TBC1D9B: variants seen among roughly 807,000 people sequenced by gnomAD.
The protein encoded by TBC1D9B is TBC1 domain family, member 9B (with GRAM domain).
TBC1D9B carries 87 observed loss-of-function variants against 121.1 expected under a neutral mutation model. The ratio of observed to expected loss-of-function variants is 0.72; its 90% CI spans 0.60 to 0.86. The LOEUF (loss-of-function observed/expected upper bound fraction) is 0.86, where lower values mean the gene tolerates loss of function less well. Ranked by LOEUF, TBC1D9B falls within the 40% of genes least tolerant of loss-of-function variation. The pLI is 0.00. For missense variants in TBC1D9B, 1,540 were observed against 1,628.6 expected (o/e 0.95, Z 0.94); for synonymous variants, 668 against 670.1 (o/e 1.00, Z 0.05).
At position 179,885,948 on chromosome 5, in the gene TBC1D9B, G is replaced by A. The variant is rs1156895661; in HGVS notation, c.1254+2155C>T. Among the ~76,000 whole-genome samples, 7 of 152,312 alleles carry A rather than the reference G, an allele frequency of 4.6e-5. No individual in the cohort carries two copies. The East Asian group carries it at 9.6e-4, about 21-fold the overall frequency. On this transcript the variant is annotated intron_variant, in intron 7 of 20. Coordinates refer to ENST00000355235, the MANE Select transcript of TBC1D9B (RefSeq NM_015043.4). The surrounding 1 kb of genome is among the most constrained non-coding windows in gnomAD (Gnocchi z 4.5). ...TGGTCTCACCTCCTACACCTGGTCA[G>A]TCTCCTAAGCCCTGGTCCCAGAAGC...
chr5:179,899,878 GC>G (rs1321126210), intron 2 of TBC1D9B, among the ~76,000 whole-genome samples: 1 of 152,012 alleles, frequency 6.6e-6, no homozygotes, highest in Non-Finnish European at 1.5e-5. Flanking sequence ...CCTTGTGTCT[GC>G]CCCACCTAGG....
rs769575405 is a variant in TBC1D9B at position 179,874,889 on chromosome 5, C to G, written c.2186+13G>C. ...TGTGAGCCCCCAGCAGGAGAAGGAA[C>G]CCGGCATGTCACCTGCCCAGCATGG... On this transcript the variant is annotated intron_variant, in intron 12 of 20. Coordinates refer to ENST00000355235, the MANE Select transcript of TBC1D9B (RefSeq NM_015043.4). This position sits in a 1 kb window ranked among gnomAD's most constrained non-coding sequence, Gnocchi z 4.3. The G allele has an allele frequency of 3.1e-5, 50 of 1,610,716 alleles. No individual in the cohort carries two copies. The highest frequency in any genetic ancestry group is 4.1e-5 in the Non-Finnish European group (48 of 1,178,844).
rs978518325 is a variant in TBC1D9B, at chr5:179,885,616, T to C, written c.1254+2487A>G. On this transcript the variant is annotated intron_variant, in intron 7 of 20. Transcript: ENST00000355235. The surrounding 1 kb of genome is among the most constrained non-coding windows in gnomAD (Gnocchi z 4.5). ...CCCCAAAAAAAAAAAGATGGAGGTA[T>C]TTTACGTTTTTCTTTTCATACGAAG... Among the ~76,000 whole-genome samples the C allele has an allele frequency of 1.3e-5, 2 of 151,658 alleles. No individual in the cohort carries two copies. The highest frequency in any genetic ancestry group is 2.9e-5 in the Non-Finnish European group (2 of 67,944).
rs183655611 is a variant in TBC1D9B, at chr5:179,863,075, C to T, written c.*373G>A. The T allele has an allele frequency of 9.2e-5, 24 of 261,808 alleles. No homozygotes were observed. The highest frequency in any genetic ancestry group is 7.2e-4 in the Admixed American group (15 of 20,916). 16.2% of individuals were successfully genotyped at this position (261,808 alleles called of 1,614,324 possible). On this transcript the variant is annotated 3_prime_UTR_variant, in exon 21 of 21. Transcript: ENST00000355235. This position sits in a 1 kb window ranked among gnomAD's most constrained non-coding sequence, Gnocchi z 4.5. ...CCACATAGCTGCAGGAAAGCATCCA[C>T]GGATGGAGGGACTCAGCTGGCCTGG... is the stretch of plus-strand genomic sequence containing the variant.
chr5:179,905,774 C>T (rs190586067), intron 1 of TBC1D9B, among the ~76,000 whole-genome samples: 334 of 152,294 alleles, frequency 2.2e-3, no homozygotes, highest in Middle Eastern at 6.8e-3. Flanking sequence ...TTCCTTTTAA[C>T]GAAGTGCTGC....
intron 6 of TBC1D9B, among the ~76,000 whole-genome samples, chr5:179,888,576 G>T (rs2113632791): frequency 6.6e-6 from 1 of 152,322 alleles, no homozygotes; most frequent in South Asian, 2.1e-4. Context: ...GTAGTGTTCA[G>T]CCCAGCTGCT....
At chr5:179,896,310 C>A (rs1247099904) in intron 3 of TBC1D9B, among the ~76,000 whole-genome samples, 14 of 152,156 alleles carry the variant, frequency 9.2e-5, no homozygotes. Context: ...CAGCCAAGAA[C>A]CTAAATGGGG....
chr5:179,899,955 C>T (rs768412785), intron 2 of TBC1D9B, among the ~76,000 whole-genome samples: 20 of 152,098 alleles, frequency 1.3e-4, no homozygotes, highest in Non-Finnish European at 2.5e-4. Flanking sequence ...AAAATCTGGG[C>T]GCCGTGTCTC....
rs1007475253 is a variant in TBC1D9B, at chr5:179,885,572, G to A, written c.1254+2531C>T. Reference sequence around the variant, plus strand: ...CCACTGCACTCCAGCCTAGGTGACAGAGCAAGACTCTGTCCCCCCCCCAAA... The same window carrying A: ...CCACTGCACTCCAGCCTAGGTGACAAAGCAAGACTCTGTCCCCCCCCCAAA... On this transcript the variant is annotated intron_variant, in intron 7 of 20. Coordinates refer to ENST00000355235, the MANE Select transcript of TBC1D9B (RefSeq NM_015043.4). This position sits in a 1 kb window ranked among gnomAD's most constrained non-coding sequence, Gnocchi z 4.5. 3.4e-5 allele frequency among the ~76,000 whole-genome samples: 5 copies of A among 148,642 alleles called. No individual in the cohort carries two copies. The highest frequency in any genetic ancestry group is 4.4e-5 in the Non-Finnish European group (3 of 67,628).
At position 179,904,806 on chromosome 5, in the gene TBC1D9B, A is replaced by G. The variant is rs950385496; in HGVS notation, c.125T>C (p.Leu42Pro). The G allele has an allele frequency of 1.4e-5, 22 of 1,560,370 alleles. No homozygotes were observed. The highest frequency in any genetic ancestry group is 2.7e-5 in the African/African-American group (2 of 73,592). The change falls in exon 2 of 21, where the codon CTC becomes CCC. Residue 42 changes from leucine to proline, a missense_variant. Coordinates refer to ENST00000355235, the MANE Select transcript of TBC1D9B (RefSeq NM_015043.4). This position sits in a 1 kb window ranked among gnomAD's most constrained non-coding sequence, Gnocchi z 4.2. Reference sequence around the variant, plus strand: ...CAGCACCACGTCCAGGGTGCCCACGAGAAGACCTGGGAACAGGGCAGAGAG... The same window carrying G: ...CAGCACCACGTCCAGGGTGCCCACGGGAAGACCTGGGAACAGGGCAGAGAG... ...HGRGGGLTGL[L>P]VGTLDVVLDS...
At chr5:179,879,549 A>C in intron 8 of TBC1D9B, 79 bp downstream of exon 8, 6 of 1,604,550 alleles carry the variant, frequency 3.7e-6, no homozygotes, top group East Asian at 2.2e-5. Context: ...GGGAAGGCCC[A>C]GGCCCAGGAC....
At chr5:179,878,034 T>A (rs1554096336) in intron 10 of TBC1D9B, among the ~76,000 whole-genome samples, 2 of 152,210 alleles carry the variant, frequency 1.3e-5, no homozygotes. Context: ...ACAGTGAAGA[T>A]GGGACATTTT....
Position 179,863,245 on chromosome 5 carries a change from G to A in TBC1D9B, c.*203C>T. 1 of 613,564 alleles carries A rather than the reference G, an allele frequency of 1.6e-6. No individual in the cohort carries two copies. Among genetic ancestry groups the A allele is most frequent in the Non-Finnish European group, 2.8e-6 (1 of 362,294 alleles). 38.0% of individuals were successfully genotyped at this position (613,564 alleles called of 1,614,324 possible). ...CAGCCTCTTCCTGGGCCCAGAAGCA[G>A]CCGGCGCCAGGAGATGCAGGCCCAG... On this transcript the variant is annotated 3_prime_UTR_variant, in exon 21 of 21. Coordinates refer to ENST00000355235, the MANE Select transcript of TBC1D9B (RefSeq NM_015043.4). This position sits in a 1 kb window ranked among gnomAD's most constrained non-coding sequence, Gnocchi z 4.5.
chr5:179,869,985 C>A (rs1376303751), intron 16 of TBC1D9B, 151 bp from the exon 17 acceptor site: 2 of 945,510 alleles, frequency 2.1e-6, no homozygotes, highest in Non-Finnish European at 3.1e-6. Flanking sequence ...GTCTCCCTGG[C>A]GTCCTGCTGG....
rs953472991 is a variant in TBC1D9B, at chr5:179,890,094, G to A, written c.1044+1285C>T. 5.9e-5 allele frequency among the ~76,000 whole-genome samples: 9 copies of A among 152,280 alleles called. No homozygotes were observed. Among genetic ancestry groups the A allele is most frequent in the Non-Finnish European group, 1.3e-4 (9 of 68,028 alleles). On this transcript the variant is annotated intron_variant, in intron 6 of 20. Transcript: ENST00000355235. The surrounding 1 kb of genome is among the most constrained non-coding windows in gnomAD (Gnocchi z 5.0). ...GGGTGGAAGAGGGGTCACTTCCCGA[G>A]GGAAGCATGGAAGCGGGTGGTTGGG...
At chr5:179,903,381 G>A (rs1184127102) in intron 2 of TBC1D9B, among the ~76,000 whole-genome samples, 1 of 152,210 alleles carries the variant, frequency 6.6e-6, no homozygotes, top group African/African-American at 2.4e-5. Flanking sequence ...GCAGGTACCC[G>A]CTGAAAGGGG....
Position 179,892,322 on chromosome 5 carries a change from C to T in TBC1D9B, c.837-736G>A, listed in dbSNP as rs541094348. Among the ~76,000 whole-genome samples, 12 of 152,396 alleles carry T rather than the reference C, an allele frequency of 7.9e-5. No individual in the cohort carries two copies. In the South Asian group the frequency reaches 2.5e-3, roughly 32 times the overall value. On this transcript the variant is annotated intron_variant, in intron 5 of 20. Coordinates refer to ENST00000355235, the MANE Select transcript of TBC1D9B (RefSeq NM_015043.4). The stretch of plus-strand genomic sequence containing the variant: ...TCACTTGCATCCCAAGGACAACATG[C>T]TTGCACAATTTTCTGGTCCTGGAGG...
chr5:179,883,368 T>C (rs1326724164), intron 7 of TBC1D9B, among the ~76,000 whole-genome samples: 3 of 152,238 alleles, frequency 2.0e-5, no homozygotes, highest in Non-Finnish European at 4.4e-5. Flanking sequence ...ACTACGATTA[T>C]ACGTAAGTTT....
chr5:179,899,153 G>C lies in TBC1D9B; in HGVS notation c.348+36C>G, dbSNP rs549062351. 3 of 1,542,338 alleles carry C rather than the reference G, an allele frequency of 1.9e-6. No homozygotes were observed. In the Admixed American group the frequency reaches 5.1e-5, roughly 26 times the overall value. On this transcript the variant is annotated intron_variant, in intron 3 of 20. Transcript: ENST00000355235. ...ATACACGAGAACACTGCTGGCCAGG[G>C]AAGGGTGAGAACAGAGAGTGGCGGG...
Sources: gnomAD v4.1 joint callset for allele counts (sites outside exome capture counted in the v4.1 genomes callset) on GRCh38, gnomAD v4.1.1 for gene constraint, Gnocchi (gnomAD v3.1) non-coding constraint, MANE v1.5 for transcripts, NCBI Gene and HGNC (gene_info 2026-07-23, HGNC 2026-07-21) for gene names.